The following ASTN1 variants were observed in gnomAD, a reference collection of about 807,000 sequenced individuals.
The protein encoded by ASTN1 is astrotactin 1, also known as astrotactin-1.
In ASTN1, 41 loss-of-function variants were observed where a neutral mutation model predicts 140.7. That is an observed-to-expected ratio of 0.29 (90% CI 0.23 to 0.38). ASTN1 has a LOEUF of 0.38. ASTN1 is among the 10% of genes least tolerant of loss of function. ASTN1 has a pLI of 1.00. For synonymous variants in ASTN1, 640 were observed against 652.2 expected (o/e 0.98, Z 0.29); for missense variants, 1,479 against 1,678.8 (o/e 0.88, Z 2.08).
At chr1:177,164,288 G>T (rs1174218508) in intron 1 of ASTN1, 106 bp downstream of exon 1, 14 of 1,214,400 alleles carry the variant, frequency 1.2e-5, no homozygotes, top group Non-Finnish European at 1.6e-5. Flanking sequence ...AGGTAGGAGT[G>T]GGGGAGGGGA....
At chr1:176,959,645 C>G (rs1483264887) in intron 9 of ASTN1, among the ~76,000 whole-genome samples, 1 of 152,238 alleles carries the variant, frequency 6.6e-6, no homozygotes, top group East Asian at 1.9e-4. Context: ...GAGTCCTGGG[C>G]CCTAGAGCAG....
intron 17 of ASTN1, among the ~76,000 whole-genome samples, chr1:176,891,553 G>A (rs931911380): frequency 6.6e-6 from 1 of 152,188 alleles, no homozygotes; most frequent in Non-Finnish European, 1.5e-5. Context: ...CAACACTTTC[G>A]GAGGTCGAGG....
At chr1:177,157,204 G>A (rs1451484622) in intron 1 of ASTN1, among the ~76,000 whole-genome samples, 17 of 152,204 alleles carry the variant, frequency 1.1e-4, no homozygotes. Flanking sequence ...ATTAATATAA[G>A]ATGTTAATAG....
chr1:177,130,933 AT>A (rs996268102), intron 1 of ASTN1, among the ~76,000 whole-genome samples: 1 of 152,092 alleles, frequency 6.6e-6, no homozygotes, highest in East Asian at 1.9e-4. Flanking sequence ...CTAAAATGTT[AT>A]TTTTTCTATC....
chr1:177,058,970 A>T (rs922669423), intron 2 of ASTN1, among the ~76,000 whole-genome samples: 2 of 152,180 alleles, frequency 1.3e-5, no homozygotes, highest in African/African-American at 2.4e-5. Context: ...ATCTTTCTGC[A>T]GATTCTCGCA....
In ASTN1 at chr1:177,052,042, A is replaced by G. The variant is rs191344790; in HGVS notation, c.471+9036T>C. Among the ~76,000 whole-genome samples, 21 of 152,326 alleles carry G rather than the reference A, an allele frequency of 1.4e-4. No homozygotes were observed. The East Asian group carries it at 4.1e-3, about 29-fold the overall frequency. On this transcript the variant is annotated intron_variant, in intron 2 of 22. Coordinates refer to ENST00000361833, the MANE Select transcript of ASTN1 (RefSeq NM_004319.3). ...CAGACCTCAATTATCATCCTAAATCATAAGACGCCTGGTGGGAAACCCTGT... is the reference window on the plus strand; with the variant it reads ...CAGACCTCAATTATCATCCTAAATCGTAAGACGCCTGGTGGGAAACCCTGT...
chr1:176,889,232 G>A (rs1297876568), intron 17 of ASTN1, among the ~76,000 whole-genome samples: 5 of 152,228 alleles, frequency 3.3e-5, no homozygotes, highest in Non-Finnish European at 5.9e-5. Flanking sequence ...TCAGTGGGGC[G>A]CTGCTGCCTC....
intron 15 of ASTN1, chr1:176,936,024 G>C (rs1671427879): frequency 1.7e-6 from 1 of 574,642 alleles, no homozygotes; most frequent in South Asian, 1.9e-5. Context: ...AATGGCTCCA[G>C]TCTTGCCCTT....
chr1:176,988,063 C>T (rs887748982), intron 8 of ASTN1, among the ~76,000 whole-genome samples: 7 of 152,090 alleles, frequency 4.6e-5, no homozygotes, highest in Non-Finnish European at 1.0e-4. Context: ...GAACAGGTCT[C>T]ATGTTCAATT....
chr1:177,057,233 T>G (rs909522461), intron 2 of ASTN1, among the ~76,000 whole-genome samples: 1 of 152,228 alleles, frequency 6.6e-6, no homozygotes, highest in African/African-American at 2.4e-5. Flanking sequence ...TTTTTCAGTT[T>G]TAAATTGCCG....
chr1:176,893,160 A>G (rs991792788), intron 17 of ASTN1, among the ~76,000 whole-genome samples: 2 of 152,150 alleles, frequency 1.3e-5, no homozygotes, highest in Non-Finnish European at 2.9e-5. Context: ...TCCATTCTGG[A>G]GCTCTGCACG....
At position 177,060,943 on chromosome 1, in the gene ASTN1, G is replaced by A. The variant is rs1219576144; in HGVS notation, c.471+135C>T. 9 of 961,242 alleles carry A rather than the reference G, an allele frequency of 9.4e-6. No homozygotes were observed. In the East Asian group the frequency reaches 2.1e-4, roughly 22 times the overall value. 59.5% of individuals were successfully genotyped at this position (961,242 alleles called of 1,614,324 possible). A position where few individuals can be genotyped will look rare whatever the true frequency, so the allele number is the denominator to read the frequency against. On this transcript the variant is annotated intron_variant, in intron 2 of 22. Coordinates refer to ENST00000361833, the MANE Select transcript of ASTN1 (RefSeq NM_004319.3). Reference sequence around the variant, plus strand: ...CAGGTGGATGCATTTCCCACAAATGGGAAATTTACTTATTAACATGATCAA... The same window carrying A: ...CAGGTGGATGCATTTCCCACAAATGAGAAATTTACTTATTAACATGATCAA...
chr1:177,039,852 G>A (rs1250604554), intron 2 of ASTN1, among the ~76,000 whole-genome samples: 1 of 152,174 alleles, frequency 6.6e-6, no homozygotes, highest in Non-Finnish European at 1.5e-5. Context: ...GCCCAGCAAA[G>A]TCACAAACCA....
intron 1 of ASTN1, among the ~76,000 whole-genome samples, chr1:177,122,300 T>G (rs184435554): frequency 6.6e-6 from 1 of 152,252 alleles, no homozygotes; most frequent in African/African-American, 2.4e-5. Context: ...TTGCCTGTTC[T>G]TCAAGAGGCA....
chr1:176,945,141 A>G (rs1051356734), intron 13 of ASTN1, among the ~76,000 whole-genome samples: 1 of 152,198 alleles, frequency 6.6e-6, no homozygotes, highest in African/African-American at 2.4e-5. Context: ...CAGGCATTGA[A>G]TGGAGAACCA....
intron 20 of ASTN1, among the ~76,000 whole-genome samples, chr1:176,878,832 A>G (rs1668672139): frequency 6.6e-6 from 1 of 152,068 alleles, no homozygotes; most frequent in Non-Finnish European, 1.5e-5. Context: ...TGTTTCCTCC[A>G]TAAAGTAGCA....
At chr1:177,145,147 T>C (rs1341048852) in intron 1 of ASTN1, among the ~76,000 whole-genome samples, 1 of 152,152 alleles carries the variant, frequency 6.6e-6, no homozygotes, top group Non-Finnish European at 1.5e-5. Flanking sequence ...AAAATCAACT[T>C]TCAGCTCCGT....
At chr1:177,120,524 C>A (rs1389928853) in intron 1 of ASTN1, among the ~76,000 whole-genome samples, 1 of 152,184 alleles carries the variant, frequency 6.6e-6, no homozygotes, top group Non-Finnish European at 1.5e-5. Flanking sequence ...AAGGCTAGTT[C>A]CCAGGAGTTA....
At chr1:176,880,778 A>G (rs1000966143) in intron 20 of ASTN1, among the ~76,000 whole-genome samples, 1 of 152,124 alleles carries the variant, frequency 6.6e-6, no homozygotes, top group African/African-American at 2.4e-5. Context: ...AGCAGCAGGG[A>G]GTTAAGATGC....
Sources: gnomAD v4.1 joint callset for allele counts (sites outside exome capture counted in the v4.1 genomes callset) on GRCh38, gnomAD v4.1.1 for gene constraint, MANE v1.5 for transcripts, NCBI Gene and HGNC (gene_info 2026-07-23, HGNC 2026-07-21) for gene names.